CFAP45: variants seen among roughly 807,000 people sequenced by gnomAD.
CFAP45 encodes cilia and flagella associated protein 45.
A neutral mutation model predicts 75.6 loss-of-function variants in CFAP45; 43 were observed. The ratio of observed to expected loss-of-function variants is 0.57; its 90% CI spans 0.45 to 0.73. The LOEUF (loss-of-function observed/expected upper bound fraction) is 0.73, where lower values mean the gene tolerates loss of function less well. Among genes scored for constraint, CFAP45 ranks in the 30% least tolerant of loss-of-function variants. The probability of loss-of-function intolerance (pLI) is 0.00; values close to 1 mark genes in which losing one functional copy is unlikely to be tolerated. For missense variants in CFAP45, 689 were observed against 701.5 expected (o/e 0.98, Z 0.20); for synonymous variants, 223 against 244.6 (o/e 0.91, Z 0.82).
At chr1:159,887,736 T>G in intron 5 of CFAP45, 105 bp downstream of exon 5, 2 of 604,406 alleles carry the variant, frequency 3.3e-6, no homozygotes, top group Non-Finnish European at 5.8e-6. Flanking sequence ...GCCCCACCCC[T>G]GCCCACACCC....
At chr1:159,872,589 A>G (rs34241039) in intron 11 of CFAP45, 26 bp from the exon 12 acceptor site, 139,133 of 1,602,370 alleles carry the variant, frequency 0.087, 6,729 homozygotes, top group Middle Eastern at 0.13. Flanking sequence ...AGGCAGGTAT[A>G]AGGAAAGGTA....
At chr1:159,879,491 C>T (rs987732867) in intron 8 of CFAP45, among the ~76,000 whole-genome samples, 2 of 152,290 alleles carry the variant, frequency 1.3e-5, no homozygotes, top group Non-Finnish European at 2.9e-5. Flanking sequence ...AGAGATAACA[C>T]GTGTAAAACA....
intron 6 of CFAP45, among the ~76,000 whole-genome samples, chr1:159,884,774 T>G (rs555861193): frequency 1.3e-5 from 2 of 152,292 alleles, no homozygotes; most frequent in East Asian, 3.9e-4. Flanking sequence ...CCTGAGCTCC[T>G]GGTTCCAGGG....
rs920686404 is a variant in CFAP45, at chr1:159,877,274, A to G, written c.1158+75T>C. 152 of 1,044,988 alleles carry G rather than the reference A, an allele frequency of 1.5e-4. 2 individuals carry two copies. The Admixed American group carries it at 2.5e-3, about 17-fold the overall frequency. 64.7% of individuals were successfully genotyped at this position (1,044,988 alleles called of 1,614,324 possible). A position where few individuals can be genotyped will look rare whatever the true frequency, so the allele number is the denominator to read the frequency against. Reference sequence around the variant, plus strand: ...CCTCCGCATCTCCACCCTCAAGGCCATTCTACAGGCTGTCAAAGGGATGGA... The same window carrying G: ...CCTCCGCATCTCCACCCTCAAGGCCGTTCTACAGGCTGTCAAAGGGATGGA... On this transcript the variant is annotated intron_variant, in intron 9 of 11. Coordinates refer to ENST00000368099, the MANE Select transcript of CFAP45 (RefSeq NM_012337.3).
chr1:159,899,989 T>G, intron 1 of CFAP45, 107 bp downstream of exon 1: 2 of 1,287,310 alleles, frequency 1.6e-6, no homozygotes, highest in Non-Finnish European at 2.2e-6. Flanking sequence ...TCCTGGGCCC[T>G]CCTGACCCCT....
intron 1 of CFAP45, among the ~76,000 whole-genome samples, chr1:159,898,683 A>C (rs918575282): frequency 6.6e-6 from 1 of 152,110 alleles, no homozygotes; most frequent in Non-Finnish European, 1.5e-5. Flanking sequence ...GGAAATAGGA[A>C]ATTTTTAAAA....
intron 10 of CFAP45, among the ~76,000 whole-genome samples, chr1:159,874,944 C>T (rs1487880675): frequency 6.6e-6 from 1 of 152,322 alleles, no homozygotes. Context: ...CAAAAGTCCA[C>T]ATATAGGCCA....
At chr1:159,884,368 C>A in intron 7 of CFAP45, 68 bp downstream of exon 7, 2 of 1,504,376 alleles carry the variant, frequency 1.3e-6, no homozygotes, top group Non-Finnish European at 1.8e-6. Flanking sequence ...CACCCTGAAA[C>A]CCCAGAGTCT....
chr1:159,875,994 A>G (rs1478955067), intron 10 of CFAP45, among the ~76,000 whole-genome samples: 1 of 152,242 alleles, frequency 6.6e-6, no homozygotes, highest in African/African-American at 2.4e-5. Context: ...AGTCCATCCA[A>G]ACACAAATCT....
chr1:159,890,621 GACT>G lies in CFAP45; in HGVS notation c.130-2_130del, dbSNP rs762331819. 6.2e-7 allele frequency: 1 copy of G among 1,614,024 alleles called. No individual in the cohort carries two copies. The highest frequency in any genetic ancestry group is 8.5e-7 in the Non-Finnish European group (1 of 1,179,948). ...GCTGTCGCTCTGGCCCTGGGCTGGG[GACT>G]ATGAGTTCAGAAAGAATAGCTTAGA... is the stretch of plus-strand genomic sequence containing the variant. On this transcript the variant is annotated splice_acceptor_variant and coding_sequence_variant, in exon 3 of 12. Coordinates refer to ENST00000368099, the MANE Select transcript of CFAP45 (RefSeq NM_012337.3). LOFTEE classifies it high-confidence loss of function.
chr1:159,900,005 C>G (rs1650037668), intron 1 of CFAP45, 91 bp downstream of exon 1: 2 of 1,484,756 alleles, frequency 1.3e-6, no homozygotes, highest in African/African-American at 2.8e-5. Context: ...CCCCTAGACC[C>G]AACTGTGACC....
intron 1 of CFAP45, among the ~76,000 whole-genome samples, chr1:159,897,268 A>C (rs1649973049): frequency 1.3e-5 from 2 of 150,800 alleles, no homozygotes; most frequent in South Asian, 4.2e-4. Context: ...TGTCTCAAAA[A>C]ATAATAATAA....
chr1:159,885,681 C>T (rs1020335729), intron 6 of CFAP45, among the ~76,000 whole-genome samples: 2 of 152,132 alleles, frequency 1.3e-5, no homozygotes, highest in African/African-American at 4.8e-5. Context: ...GAACTGGATA[C>T]GAAAGGACCT....
intron 8 of CFAP45, among the ~76,000 whole-genome samples, chr1:159,880,005 G>A (rs1370058475): frequency 6.6e-6 from 1 of 152,248 alleles, no homozygotes; most frequent in African/African-American, 2.4e-5. Context: ...TTTTGCCCCA[G>A]AATGAGCTGA....
chr1:159,878,962 T>C (rs993982801), intron 8 of CFAP45, among the ~76,000 whole-genome samples: 1 of 151,968 alleles, frequency 6.6e-6, no homozygotes, highest in African/African-American at 2.4e-5. Context: ...GGGGCAGCCC[T>C]GGCTGCAAGA....
At position 159,887,925 on chromosome 1, in the gene CFAP45, C is replaced by T; in HGVS notation, c.504G>A (p.Val168=). 6.2e-7 allele frequency: 1 copy of T among 1,614,254 alleles called. No individual in the cohort carries two copies. Among genetic ancestry groups the T allele is most frequent in the Non-Finnish European group, 8.5e-7 (1 of 1,180,038 alleles). The change falls in exon 5 of 12, where the codon GTG becomes GTA. Residue 168 remains valine, a synonymous_variant. Coordinates refer to ENST00000368099, the MANE Select transcript of CFAP45 (RefSeq NM_012337.3). ...GGAGGTTCTGGGCCCGTTCCTTGGCCACCTCCTCCAGGTCACTGAGCTTCT... is the reference window on the plus strand; with the variant it reads ...GGAGGTTCTGGGCCCGTTCCTTGGCTACCTCCTCCAGGTCACTGAGCTTCT... The part of the protein sequence containing the change: ...NNKKLSDLEE[V]AKERAQNLLQ...
intron 10 of CFAP45, among the ~76,000 whole-genome samples, chr1:159,875,744 A>C (rs545957560): frequency 6.6e-6 from 1 of 152,370 alleles, no homozygotes; most frequent in South Asian, 2.1e-4. Flanking sequence ...AAAGAGAGTC[A>C]TTCCCAGTTA....
At chr1:159,878,034 T>C (rs1474289097) in intron 8 of CFAP45, among the ~76,000 whole-genome samples, 2 of 152,212 alleles carry the variant, frequency 1.3e-5, no homozygotes, top group Non-Finnish European at 1.5e-5. Context: ...ACAGATATTA[T>C]AGATGAGGAA....
At chr1:159,890,730 G>GGAT in intron 2 of CFAP45, 108 bp from the exon 3 acceptor site, 2 of 886,410 alleles carry the variant, frequency 2.3e-6, no homozygotes, top group East Asian at 2.6e-5. Flanking sequence ...GAGCATGGCT[G>GGAT]GATGTGTACC....
Sources: gnomAD v4.1 joint callset for allele counts (sites outside exome capture counted in the v4.1 genomes callset) on GRCh38, gnomAD v4.1.1 for gene constraint, MANE v1.5 for transcripts, NCBI Gene and HGNC (gene_info 2026-07-23, HGNC 2026-07-21) for gene names.